Variants in ITFG2 observed in about 807,000 individuals in gnomAD.
The protein encoded by ITFG2 is KICSTOR complex protein ITFG2.
A neutral mutation model predicts 54.4 loss-of-function variants in ITFG2; 36 were observed. The ratio of observed to expected loss-of-function variants is 0.66; its 90% CI spans 0.51 to 0.87. The LOEUF is 0.87. Ranked by LOEUF, ITFG2 falls within the 40% of genes least tolerant of loss-of-function variation. The pLI is 0.00. For synonymous variants in ITFG2, 211 were observed against 225.4 expected, an observed-to-expected ratio of 0.94 and a Z score of 0.57; for missense variants, 524 against 576.7, an observed-to-expected ratio of 0.91 and a Z score of 0.94.
chr12:2,827,638 A>G (rs951116198), downstream of ITFG2: 6 of 1,614,204 alleles, frequency 3.7e-6, no homozygotes, highest in Non-Finnish European at 5.1e-6. The surrounding 1 kb of genome is among the most constrained non-coding windows in gnomAD (Gnocchi z 4.0). Flanking sequence ...GAGAGAAAGC[A>G]GAGTCTGCAG....
chr12:2,855,431 C>G, intron 2 of ITFG2: 1 of 1,470,576 alleles, frequency 6.8e-7, no homozygotes, highest in Middle Eastern at 2.4e-4. Flanking sequence ...GGGAGGGACT[C>G]GCTGGCCTGG....
rs146290451 is a variant in ITFG2 at position 2,840,825 on chromosome 12, ATT to A, written n.147-6_147-5del. ...AAATTCTAAATAAAATCCAAATACAATTTTTTTTTTTTGTAGAAAAAAGAGAA... is the reference window on the plus strand; with the variant it reads ...AAATTCTAAATAAAATCCAAATACAATTTTTTTTTTGTAGAAAAAAGAGAA... On this transcript the variant is annotated splice_polypyrimidine_tract_variant and intron_variant and non_coding_transcript_variant, in intron 1 of 3. Transcript: ENST00000537710. 6.4e-4 allele frequency: 95 copies of A among 147,992 alleles called. No individual in the cohort carries two copies. Among genetic ancestry groups the A allele is most frequent in the African/African-American group, 2.1e-3 (86 of 40,590 alleles). The allele number at this position is 147,992 out of a possible 1,614,324, so 9.2% of individuals were successfully genotyped here.
intron 2 of ITFG2, among the ~76,000 whole-genome samples, chr12:2,851,515 G>T (rs2098070943): frequency 6.6e-6 from 1 of 151,694 alleles, no homozygotes; most frequent in South Asian, 2.1e-4. Context: ...GCTAGTTTTT[G>T]TATTTTTAGT....
chr12:2,848,572 C>T (rs2098059614), intron 2 of ITFG2, among the ~76,000 whole-genome samples: 1 of 152,130 alleles, frequency 6.6e-6, no homozygotes, highest in Non-Finnish European at 1.5e-5. Flanking sequence ...TCTTGTTCCT[C>T]TGCTGAGACC....
chr12:2,855,264 C>CCAAG (rs1282261086), intron 2 of ITFG2: 8 of 1,513,902 alleles, frequency 5.3e-6, no homozygotes, highest in African/African-American at 1.4e-5. Flanking sequence ...CGCCACCCTT[C>CCAAG]CAAGGGTGGA....
chr12:2,858,984 G>A (rs780259609), intron 3 of ITFG2: 33 of 1,613,400 alleles, frequency 2.0e-5, no homozygotes, highest in South Asian at 1.9e-4. Flanking sequence ...GTCAGGCAAG[G>A]GGTCAGAGGC....
chr12:2,812,968 C>T, intron 1 of ITFG2, 112 bp downstream of exon 1: 1 of 883,430 alleles, frequency 1.1e-6, no homozygotes, highest in Non-Finnish European at 1.8e-6. Flanking sequence ...CGCGCTGTGG[C>T]TAGTTTGGAG....
chr12:2,839,098 C>G (rs2098035004), intron 1 of ITFG2, among the ~76,000 whole-genome samples: 1 of 152,044 alleles, frequency 6.6e-6, no homozygotes, highest in South Asian at 2.1e-4. Context: ...TCGAGACCAG[C>G]CTAACCAATG....
chr12:2,829,019 G>A (rs900255764), downstream of ITFG2, among the ~76,000 whole-genome samples: 3 of 151,856 alleles, frequency 2.0e-5, no homozygotes, highest in East Asian at 1.9e-4. Flanking sequence ...AGGCAACATA[G>A]CAAGACTCTG....
intron 2 of ITFG2, among the ~76,000 whole-genome samples, chr12:2,847,920 C>G (rs1007270796): frequency 6.6e-6 from 1 of 152,292 alleles, no homozygotes; most frequent in African/African-American, 2.4e-5. Context: ...AATATTCTAT[C>G]TACTTATTAT....
chr12:2,836,549 T>C (rs185416805), upstream of ITFG2, among the ~76,000 whole-genome samples: 1 of 152,354 alleles, frequency 6.6e-6, no homozygotes, highest in Non-Finnish European at 1.5e-5. Flanking sequence ...GAAGAAATAC[T>C]GTATTCTAAT....
intron 2 of ITFG2, chr12:2,830,235 T>A (rs182368101): frequency 3.6e-4 from 55 of 152,628 alleles, no homozygotes; most frequent in Non-Finnish European, 6.3e-4. Flanking sequence ...CCCAGAATGA[T>A]TGGAGAGCAA....
intron 2 of ITFG2, chr12:2,855,484 C>T (rs1378374916): frequency 1.5e-6 from 2 of 1,378,502 alleles, no homozygotes; most frequent in Non-Finnish European, 1.9e-6. Flanking sequence ...GAAGGTTGTG[C>T]AGACAGGGGT....
At chr12:2,859,009 G>C (rs1339002928) in intron 3 of ITFG2, 3 of 1,612,774 alleles carry the variant, frequency 1.9e-6, no homozygotes, top group Middle Eastern at 3.3e-4. Context: ...TGGGAGGTTT[G>C]TACTGGGCTG....
In ITFG2 at chr12:2,821,699, G is replaced by A. The variant is rs1300530648; in HGVS notation, c.855G>A (p.Leu285=). ...CTGCCTCTCCCCCGGCAGGGACACT[G>A]AAGCTCATGGAAGAAATGGAAGAAG... ...LFALCTLDGT[L]KLMEEMEEAD... is the part of the protein sequence containing the mutation. The change falls in exon 9 of 12, where the codon CTG becomes CTA. Residue 285 remains leucine, a synonymous_variant. Coordinates refer to ENST00000228799, the MANE Select transcript of ITFG2 (RefSeq NM_018463.4). 1 of 1,614,054 alleles carries A rather than the reference G, an allele frequency of 6.2e-7. No individual in the cohort carries two copies. Among genetic ancestry groups the A allele is most frequent in the Non-Finnish European group, 8.5e-7 (1 of 1,180,028 alleles).
chr12:2,848,877 GCACACACACACACACACA>G (rs3056877), intron 2 of ITFG2, among the ~76,000 whole-genome samples: 2 of 140,272 alleles, frequency 1.4e-5, no homozygotes, highest in Non-Finnish European at 3.1e-5. Flanking sequence ...ACACACACAC[GCACACACACACACACACA>G]CACACACACA....
intron 4 of ITFG2, 175 bp downstream of exon 4, chr12:2,818,452 T>G (rs1388528305): frequency 1.5e-6 from 2 of 1,342,096 alleles, no homozygotes; most frequent in African/African-American, 2.9e-5. Flanking sequence ...CCATAGTGAA[T>G]AAATAGACAA....
At chr12:2,854,700 G>A (rs1167883466) in intron 2 of ITFG2, among the ~76,000 whole-genome samples, 1 of 152,138 alleles carries the variant, frequency 6.6e-6, no homozygotes, top group Non-Finnish European at 1.5e-5. Flanking sequence ...AGATTTTAGT[G>A]AAACTCCCTG....
At position 2,845,949 on chromosome 12, in the gene ITFG2, G is replaced by A. The variant is rs2098052246; in HGVS notation, n.300+4954G>A. Among the ~76,000 whole-genome samples the A allele has an allele frequency of 1.3e-5, 2 of 152,094 alleles. No homozygotes were observed. Among genetic ancestry groups the A allele is most frequent in the African/African-American group, 4.8e-5 (2 of 41,416 alleles). ...ACTCCTGGGCTCAAGCGATCCTCCTGCCTCAGCCTCCCAAGTAGCTGGGAC... is the reference window on the plus strand; with the variant it reads ...ACTCCTGGGCTCAAGCGATCCTCCTACCTCAGCCTCCCAAGTAGCTGGGAC... On this transcript the variant is annotated intron_variant and non_coding_transcript_variant, in intron 2 of 3. Transcript: ENST00000537710. This position sits in a 1 kb window ranked among gnomAD's most constrained non-coding sequence, Gnocchi z 4.2.
Sources: gnomAD v4.1 joint callset for allele counts (sites outside exome capture counted in the v4.1 genomes callset) on GRCh38, gnomAD v4.1.1 for gene constraint, Gnocchi (gnomAD v3.1) non-coding constraint, MANE v1.5 for transcripts, NCBI Gene and HGNC (gene_info 2026-07-23, HGNC 2026-07-21) for gene names.